TGM7: variants seen among roughly 807,000 people sequenced by gnomAD.
TGM7 encodes the protein transglutaminase 7.
TGM7 carries 74 observed loss-of-function variants against 79.5 expected under a neutral mutation model. The ratio of observed to expected loss-of-function variants is 0.93; its 90% CI spans 0.77 to 1.13. TGM7 has a LOEUF of 1.13. TGM7 is among the 50% of genes most tolerant of loss of function. The pLI is 0.00. For synonymous variants in TGM7, 354 were observed against 362.5 expected, an observed-to-expected ratio of 0.98 and a Z score of 0.27; for missense variants, 912 against 905.9, an observed-to-expected ratio of 1.01 and a Z score of -0.09.
intron 1 of TGM7, 135 bp from the exon 2 acceptor site, chr15:43,293,766 G>T (rs1473001915): frequency 4.5e-5 from 2 of 44,904 alleles, no homozygotes; most frequent in Admixed American, 1.8e-4. Context: ...CGTGCGGGGG[G>T]GGAGGTGGGG....
At chr15:43,280,253 TATC>T (rs1374190076) in intron 9 of TGM7, among the ~76,000 whole-genome samples, 1 of 152,072 alleles carries the variant, frequency 6.6e-6, no homozygotes, top group Non-Finnish European at 1.5e-5. Flanking sequence ...CCAGCATCAC[TATC>T]ATCATCATCA....
At position 43,276,388 on chromosome 15, in the gene TGM7, CAT is replaced by C. The variant is rs2042877107; in HGVS notation, c.*65_*66del. 1.9e-6 allele frequency: 3 copies of C among 1,547,770 alleles called. No homozygotes were observed. Among genetic ancestry groups the C allele is most frequent in the Non-Finnish European group, 2.6e-6 (3 of 1,146,548 alleles). ...GAGGACAGAGGTGGAGCCAAGACGA[CAT>C]AGCCAGGAGTAGAAAGGAGCCAGGT... On this transcript the variant is annotated 3_prime_UTR_variant, in exon 13 of 13. Transcript: ENST00000452443.
At chr15:43,298,634 T>A (rs2142423881) in intron 1 of TGM7, among the ~76,000 whole-genome samples, 1 of 152,132 alleles carries the variant, frequency 6.6e-6, no homozygotes, top group Non-Finnish European at 1.5e-5. Context: ...GTGCCTGTAG[T>A]CCCAGCTGCT....
intron 1 of TGM7, among the ~76,000 whole-genome samples, chr15:43,296,271 A>C (rs1415057195): frequency 6.6e-6 from 1 of 152,040 alleles, no homozygotes; most frequent in East Asian, 1.9e-4. Flanking sequence ...TAAAGATACA[A>C]AAAATTAGCC....
chr15:43,302,128 C>T, intron 1 of TGM7, 113 bp downstream of exon 1: 1 of 1,254,982 alleles, frequency 8.0e-7, no homozygotes, highest in Non-Finnish European at 1.2e-6. Context: ...AATGAACTAC[C>T]AATCATCAAT....
At chr15:43,278,539 C>A (rs1477622848) in intron 11 of TGM7, among the ~76,000 whole-genome samples, 1 of 152,192 alleles carries the variant, frequency 6.6e-6, no homozygotes, top group Non-Finnish European at 1.5e-5. Flanking sequence ...CAGCTCACTG[C>A]AGGCTTGATT....
chr15:43,284,760 T>A (rs2042926250), intron 7 of TGM7, 54 bp downstream of exon 7: 3 of 1,599,270 alleles, frequency 1.9e-6, no homozygotes, highest in Admixed American at 1.7e-5. Flanking sequence ...CCAGGTCAGT[T>A]TTTCTGCCCT....
chr15:43,285,001 A>ATTGGT, intron 6 of TGM7, 49 bp from the exon 7 acceptor site: 1 of 1,606,840 alleles, frequency 6.2e-7, no homozygotes, highest in East Asian at 2.2e-5. Flanking sequence ...AGGCAGAATT[A>ATTGGT]TTGGTTTTCC....
intron 7 of TGM7, among the ~76,000 whole-genome samples, 187 bp downstream of exon 7, chr15:43,284,627 A>C (rs2042925659): frequency 6.6e-6 from 1 of 152,206 alleles, no homozygotes. Context: ...CTCTGAAATG[A>C]GTTAAATTTG....
chr15:43,292,612 G>T, intron 3 of TGM7, 97 bp downstream of exon 3: 1 of 1,473,454 alleles, frequency 6.8e-7, no homozygotes, highest in East Asian at 2.3e-5. Context: ...ACATTGCATA[G>T]CTATGTGGCG....
At chr15:43,277,645 T>C (rs1235644918) in intron 11 of TGM7, among the ~76,000 whole-genome samples, 1 of 152,186 alleles carries the variant, frequency 6.6e-6, no homozygotes, top group Non-Finnish European at 1.5e-5. Flanking sequence ...CTGTGGCCTG[T>C]GAGTGGGAGG....
Position 43,281,966 on chromosome 15 carries a change from C to T in TGM7, c.1229G>A (p.Gly410Glu). The T allele has an allele frequency of 6.2e-7, 1 of 1,614,162 alleles. No individual in the cohort carries two copies. Among genetic ancestry groups the T allele is most frequent in the Non-Finnish European group, 8.5e-7 (1 of 1,180,026 alleles). Residue 410 changes from glycine to glutamate, a missense_variant, in exon 9 of 13, where the codon GGG (glycine) becomes GAG (glutamate). Physicochemically the swap from Gly to Glu is moderately conservative, Grantham distance 98. Transcript: ENST00000452443. ...CAGGATTTCCTGGGCCTGGCCATCC[C>T]CAAGGAGCCAAATGACTTCATCGGC... ...VNADEVIWLLGDGQAQEILAH... is the reference protein window; with the variant it reads ...VNADEVIWLLEDGQAQEILAH...
Position 43,293,006 on chromosome 15 carries a change from T to C in TGM7, c.194-52A>G, listed in dbSNP as rs1376714173. The stretch of plus-strand genomic sequence containing the variant: ...TGAGGCTCAAAAAACCTGTATGGTA[T>C]ATGATTCCAGGGGAGTCGGAAGGAC... On this transcript the variant is annotated intron_variant, in intron 2 of 12. Coordinates refer to ENST00000452443, the MANE Select transcript of TGM7 (RefSeq NM_052955.3). 12 of 1,596,720 alleles carry C rather than the reference T, an allele frequency of 7.5e-6. No homozygotes were observed. In the African/African-American group the frequency reaches 1.6e-4, roughly 21 times the overall value.
At chr15:43,277,613 G>A (rs963777645) in intron 11 of TGM7, among the ~76,000 whole-genome samples, 3 of 152,212 alleles carry the variant, frequency 2.0e-5, no homozygotes, top group Non-Finnish European at 2.9e-5. Flanking sequence ...TGTGCTCAGT[G>A]CTGTGTCACG....
chr15:43,300,427 A>C (rs2043019977), intron 1 of TGM7, among the ~76,000 whole-genome samples: 1 of 152,254 alleles, frequency 6.6e-6, no homozygotes, highest in Non-Finnish European at 1.5e-5. Context: ...CCTAGTTCTT[A>C]ACTTCTGGCT....
chr15:43,276,431 G>A lies in TGM7; in HGVS notation c.*24C>T, dbSNP rs1566841428. ...GGAGCCAGGTGGGGCAGGGGTGCCA[G>A]GGAGGGCAGCTGGAGGGCGGGTCTC... On this transcript the variant is annotated 3_prime_UTR_variant, in exon 13 of 13. Transcript: ENST00000452443. 1 of 1,602,446 alleles carries A rather than the reference G, an allele frequency of 6.2e-7. No individual in the cohort carries two copies. The highest frequency in any genetic ancestry group is 8.5e-7 in the Non-Finnish European group (1 of 1,173,858).
chr15:43,276,351 G>T lies in TGM7; in HGVS notation c.*104C>A. 2 of 1,320,408 alleles carry T rather than the reference G, an allele frequency of 1.5e-6. No homozygotes were observed. Among genetic ancestry groups the T allele is most frequent in the African/African-American group, 1.5e-5 (1 of 67,950 alleles). 81.8% of individuals were successfully genotyped at this position (1,320,408 alleles called of 1,614,324 possible). On this transcript the variant is annotated 3_prime_UTR_variant, in exon 13 of 13. Coordinates refer to ENST00000452443, the MANE Select transcript of TGM7 (RefSeq NM_052955.3). Reference sequence around the variant, plus strand: ...CTAACAGAGCTTCATTCATTCCCAGGCAGGCTAGAGAGAGGACAGAGGTGG... The same window carrying T: ...CTAACAGAGCTTCATTCATTCCCAGTCAGGCTAGAGAGAGGACAGAGGTGG...
At position 43,292,052 on chromosome 15, in the gene TGM7, A is replaced by T. The variant is rs948302948; in HGVS notation, c.485T>A (p.Ile162Asn). The T allele has an allele frequency of 1.2e-6, 2 of 1,614,034 alleles. No homozygotes were observed. The highest frequency in any genetic ancestry group is 1.7e-6 in the Non-Finnish European group (2 of 1,180,004). Residue 162 changes from isoleucine (I) to asparagine (N), a missense_variant, in exon 4 of 13, where the codon ATC becomes AAC. Ile to Asn is a moderately radical substitution (Grantham distance 149). Coordinates refer to ENST00000452443, the MANE Select transcript of TGM7 (RefSeq NM_052955.3). Reference sequence around the variant, plus strand: ...GTAAACAAAGCCATAATCTCGCATGATATACTCCTGCAGCAGTATTTCACT... The same window carrying T: ...GTAAACAAAGCCATAATCTCGCATGTTATACTCCTGCAGCAGTATTTCACT... The part of the protein sequence containing the change: ...LPSEILLQEY[I>N]MRDYGFVYKG...
intron 10 of TGM7, 43 bp from the exon 11 acceptor site, chr15:43,279,320 A>G (rs779660636): frequency 5.0e-6 from 8 of 1,589,422 alleles, no homozygotes; most frequent in Non-Finnish European, 6.9e-6. Flanking sequence ...GACATGGACC[A>G]GAGAGAGGGG....
Sources: gnomAD v4.1 joint callset for allele counts (sites outside exome capture counted in the v4.1 genomes callset) on GRCh38, gnomAD v4.1.1 for gene constraint, MANE v1.5 for transcripts, NCBI Gene and HGNC (gene_info 2026-07-23, HGNC 2026-07-21) for gene names.